GPR176: variants seen among roughly 807,000 people sequenced by gnomAD.
GPR176 encodes the protein G-protein coupled receptor 176.
GPR176 carries 26 observed loss-of-function variants against 35.4 expected under a neutral mutation model. The observed-to-expected ratio is 0.74, with a 90% CI of 0.54 to 1.02. The LOEUF (loss-of-function observed/expected upper bound fraction) is 1.02, where lower values mean the gene tolerates loss of function less well. Among genes scored for constraint, GPR176 ranks in the 50% least tolerant of loss-of-function variants. The pLI is 0.00. For synonymous variants in GPR176, 278 were observed against 271.3 expected (o/e 1.02, Z -0.24); for missense variants, 597 against 665.3 (o/e 0.90, Z 1.13).
chr15:39,840,892 G>T (rs1340429919), intron 1 of GPR176, among the ~76,000 whole-genome samples: 1 of 152,024 alleles, frequency 6.6e-6, no homozygotes, highest in African/African-American at 2.4e-5. Flanking sequence ...CATTTTTGTT[G>T]ATCTGAATTT....
intron 1 of GPR176, among the ~76,000 whole-genome samples, chr15:39,849,417 G>C (rs1320767559): frequency 1.3e-5 from 2 of 152,038 alleles, no homozygotes; most frequent in Middle Eastern, 3.2e-3. Flanking sequence ...AGAAGAGAAA[G>C]GAACACATCA....
At chr15:39,892,555 C>T (rs2032914338) in intron 1 of GPR176, among the ~76,000 whole-genome samples, 1 of 152,214 alleles carries the variant, frequency 6.6e-6, no homozygotes, top group African/African-American at 2.4e-5. Flanking sequence ...TAGAAACAAT[C>T]TTTGCAGATG....
At chr15:39,916,785 G>C (rs1021251264) in intron 1 of GPR176, among the ~76,000 whole-genome samples, 2 of 152,164 alleles carry the variant, frequency 1.3e-5, no homozygotes, top group African/African-American at 2.4e-5. Flanking sequence ...CAATCATACA[G>C]ATTCCTTTTC....
chr15:39,847,839 A>C (rs1243403397), intron 1 of GPR176, among the ~76,000 whole-genome samples: 1 of 151,754 alleles, frequency 6.6e-6, no homozygotes, highest in Non-Finnish European at 1.5e-5. Flanking sequence ...AGAACTACCC[A>C]AGACTGGATA....
At chr15:39,850,174 G>T (rs187612934) in intron 1 of GPR176, among the ~76,000 whole-genome samples, 168 of 152,234 alleles carry the variant, frequency 1.1e-3, no homozygotes, top group African/African-American at 4.0e-3. Context: ...GATGCTTATT[G>T]TAGACTTTAC....
At chr15:39,855,627 G>C (rs886420262) in intron 1 of GPR176, among the ~76,000 whole-genome samples, 1 of 152,176 alleles carries the variant, frequency 6.6e-6, no homozygotes, top group Admixed American at 6.5e-5. Context: ...CACTAGAATA[G>C]TGTGGCTGGG....
At chr15:39,857,341 C>T (rs2031287434) in intron 1 of GPR176, among the ~76,000 whole-genome samples, 1 of 152,084 alleles carries the variant, frequency 6.6e-6, no homozygotes, top group African/African-American at 2.4e-5. Flanking sequence ...AATAATAATA[C>T]TGAATCACTG....
intron 1 of GPR176, among the ~76,000 whole-genome samples, chr15:39,853,143 T>C (rs1208105915): frequency 1.3e-5 from 2 of 152,200 alleles, no homozygotes; most frequent in Non-Finnish European, 2.9e-5. Flanking sequence ...TTGTTCATAA[T>C]AGCCAAGAGG....
chr15:39,818,914 A>G (rs1289355367), intron 1 of GPR176, among the ~76,000 whole-genome samples: 1 of 152,194 alleles, frequency 6.6e-6, no homozygotes, highest in Non-Finnish European at 1.5e-5. Flanking sequence ...GCTTCACAAG[A>G]TGCTTTCTCT....
At chr15:39,814,906 G>A (rs1333076621) in intron 1 of GPR176, 9 of 152,166 alleles carry the variant, frequency 5.9e-5, no homozygotes, top group African/African-American at 1.9e-4. Context: ...CCAGCTATGT[G>A]GTTATGGGTA....
chr15:39,879,254 A>T (rs945042906), intron 1 of GPR176, among the ~76,000 whole-genome samples: 1 of 152,184 alleles, frequency 6.6e-6, no homozygotes, highest in Admixed American at 6.5e-5. Context: ...CCTGTTTCTT[A>T]ACTCCCTGTC....
intron 1 of GPR176, among the ~76,000 whole-genome samples, chr15:39,859,769 TAG>T (rs2031475311): frequency 6.6e-6 from 1 of 152,104 alleles, no homozygotes; most frequent in African/African-American, 2.4e-5. Flanking sequence ...GTCAAATTCG[TAG>T]AGACAGAAAG....
chr15:39,801,841 A>G lies in GPR176; in HGVS notation c.839T>C (p.Val280Ala), dbSNP rs1898891357. 6.2e-7 allele frequency: 1 copy of G among 1,613,946 alleles called. No homozygotes were observed. The highest frequency in any genetic ancestry group is 1.1e-5 in the South Asian group (1 of 91,080). Residue 280 changes from valine to alanine, a missense_variant, in exon 3 of 3, where the codon GTG becomes GCG. Physicochemically the swap from Val to Ala is moderately conservative, Grantham distance 64. Coordinates refer to ENST00000561100, the MANE Select transcript of GPR176 (RefSeq NM_007223.3). ...SMVMVFILCSVPYATLVVYQT... is the reference protein window; with the variant it reads ...SMVMVFILCSAPYATLVVYQT... ...GTAGACGACCAGGGTGGCATAGGGC[A>G]CGCTACACAAGATGAAGACCATCAC... is the stretch of plus-strand genomic sequence containing the variant.
chr15:39,891,079 T>C (rs754897439), intron 1 of GPR176, among the ~76,000 whole-genome samples: 1 of 152,086 alleles, frequency 6.6e-6, no homozygotes, highest in Non-Finnish European at 1.5e-5. Context: ...TAAAACAAAC[T>C]ACACAGCTGG....
At chr15:39,873,657 A>G (rs2032135443) in intron 1 of GPR176, among the ~76,000 whole-genome samples, 1 of 147,774 alleles carries the variant, frequency 6.8e-6, no homozygotes, top group Non-Finnish European at 1.5e-5. Flanking sequence ...TCTTATTAAT[A>G]TATATTCAAT....
chr15:39,844,168 G>A (rs565713070), intron 1 of GPR176, among the ~76,000 whole-genome samples: 3 of 152,106 alleles, frequency 2.0e-5, no homozygotes, highest in South Asian at 2.1e-4. Context: ...GATATCCTCC[G>A]GACATCACCA....
chr15:39,803,642 A>G (rs1048336856), intron 2 of GPR176, among the ~76,000 whole-genome samples: 2 of 152,158 alleles, frequency 1.3e-5, no homozygotes. Context: ...GCACTGGGTT[A>G]TAAGAATGAA....
intron 1 of GPR176, among the ~76,000 whole-genome samples, chr15:39,906,856 A>G (rs2033436014): frequency 6.6e-6 from 1 of 152,250 alleles, no homozygotes; most frequent in South Asian, 2.1e-4. Context: ...TCAATTAATC[A>G]CTATGTATTG....
intron 1 of GPR176, among the ~76,000 whole-genome samples, chr15:39,857,363 A>C (rs992854697): frequency 2.0e-5 from 3 of 152,216 alleles, no homozygotes; most frequent in African/African-American, 4.8e-5. Flanking sequence ...GCCTGAAAGA[A>C]AACAAAAGTG....
Sources: allele counts gnomAD v4.1 joint callset (sites outside exome capture counted in the v4.1 genomes callset), GRCh38; gene constraint gnomAD v4.1.1; transcripts MANE v1.5; gene names NCBI Gene and HGNC (gene_info 2026-07-23, HGNC 2026-07-21).